Variants in GART observed in about 807,000 individuals in gnomAD.
GART encodes phosphoribosylglycinamide formyltransferase, phosphoribosylglycinamide synthetase, phosphoribosylaminoimidazole synthetase, also known as trifunctional purine biosynthetic protein adenosine-3.
GART carries 43 observed loss-of-function variants against 107.2 expected under a neutral mutation model. That is an observed-to-expected ratio of 0.40 (90% CI 0.31 to 0.52). The LOEUF (loss-of-function observed/expected upper bound fraction) is 0.52. GART is among the 20% of genes least tolerant of loss of function. The pLI is 0.52. For missense variants in GART, 1,107 were observed against 1,206.5 expected, an observed-to-expected ratio of 0.92 and a Z score of 1.22; for synonymous variants, 434 against 427.0, an observed-to-expected ratio of 1.02 and a Z score of -0.20.
chr21:33,511,236 A>G lies in GART; in HGVS notation c.2314+16T>C, dbSNP rs1332601398. 2 of 1,613,456 alleles carry G rather than the reference A, an allele frequency of 1.2e-6. No individual in the cohort carries two copies. Among genetic ancestry groups the G allele is most frequent in the Non-Finnish European group, 1.7e-6 (2 of 1,179,460 alleles). On this transcript the variant is annotated intron_variant, in intron 17 of 21. Coordinates refer to ENST00000381815, the MANE Select transcript of GART (RefSeq NM_000819.5). ...AGCTAAAATTATATATCTAAAAATG[A>G]GTAAGGAGCAAGTACCTTCAGCTCG...
At position 33,510,755 on chromosome 21, in the gene GART, G is replaced by C. The variant is rs142832229; in HGVS notation, c.2314+497C>G. Among the ~76,000 whole-genome samples the C allele has an allele frequency of 7.2e-5, 11 of 152,246 alleles. No individual in the cohort carries two copies. The East Asian group carries it at 2.1e-3, about 29-fold the overall frequency. On this transcript the variant is annotated intron_variant, in intron 17 of 21. Transcript: ENST00000381815. ...GGCAGATACAGGTAAAGTCAACAAG[G>C]TCTGACATTTTTTTTTTCTATTTTT... is the stretch of plus-strand genomic sequence containing the variant.
chr21:33,532,179 T>C (rs2085204357), intron 5 of GART, 166 bp downstream of exon 5: 4 of 612,598 alleles, frequency 6.5e-6, no homozygotes, highest in Non-Finnish European at 1.2e-5. Flanking sequence ...TGTAAATCCA[T>C]AACTATTTTA....
Position 33,528,844 on chromosome 21 carries a change from G to T in GART, c.811+6C>A, listed in dbSNP as rs2085126590. ...GTGGCTTCCATAGTAATGTGGGTGG[G>T]CCTACCTGTATATGGAGTACCCTCT... On this transcript the variant is annotated splice_donor_region_variant and intron_variant, in intron 8 of 21. Transcript: ENST00000381815. 1.9e-6 allele frequency: 3 copies of T among 1,597,378 alleles called. No individual in the cohort carries two copies. The highest frequency in any genetic ancestry group is 2.6e-6 in the Non-Finnish European group (3 of 1,165,702).
intron 2 of GART, among the ~76,000 whole-genome samples, 164 bp from the exon 3 acceptor site, chr21:33,535,484 CAGAGG>C (rs2085287487): frequency 6.6e-6 from 1 of 152,068 alleles, no homozygotes; most frequent in East Asian, 1.9e-4. Flanking sequence ...ATGTGAAATT[CAGAGG>C]AGAGTGCATT....
chr21:33,540,547 T>A (rs1208655141), intron 1 of GART, among the ~76,000 whole-genome samples: 4 of 152,134 alleles, frequency 2.6e-5, no homozygotes, highest in Non-Finnish European at 2.9e-5. Flanking sequence ...AAATTCCAAC[T>A]CATTTCACTT....
chr21:33,531,699 C>T, intron 5 of GART, 142 bp from the exon 6 acceptor site: 1 of 685,504 alleles, frequency 1.5e-6, no homozygotes, highest in East Asian at 2.7e-5. Context: ...TTCAGAAAGA[C>T]TCAAAGGGAA....
Position 33,522,235 on chromosome 21 carries a change from A to C in GART, c.1346T>G (p.Met449Arg), listed in dbSNP as rs201912693. The C allele has an allele frequency of 3.1e-6, 5 of 1,614,096 alleles. No homozygotes were observed. Among genetic ancestry groups the C allele is most frequent in the Admixed American group, 3.3e-5 (2 of 60,028 alleles). The change falls in exon 12 of 22, where the codon ATG becomes AGG. Residue 449 changes from methionine to arginine, a missense_variant. Physicochemically the swap from Met to Arg is moderately conservative, Grantham distance 91 (BLOSUM62 -1). Transcript: ENST00000381815. ...TAAAGGCTGAATTTTCTTGACCAGC[A>C]TATTTCCAGCTGCGATATCTACTCC... ...ESGVDIAAGN[M>R]LVKKIQPLAK...
chr21:33,512,919 A>G (rs1258437975), intron 16 of GART, among the ~76,000 whole-genome samples: 2 of 150,472 alleles, frequency 1.3e-5, no homozygotes, highest in Non-Finnish European at 3.0e-5. Flanking sequence ...GAGTTGATAC[A>G]ATTTTTTTTT....
intron 10 of GART, among the ~76,000 whole-genome samples, chr21:33,525,414 A>G (rs62227700): frequency 0.027 from 4,039 of 152,234 alleles, 72 homozygotes; most frequent in Non-Finnish European, 0.037. Flanking sequence ...CTCTCACTTA[A>G]AAGAACCTTC....
At chr21:33,538,436 T>G (rs949639363) in intron 2 of GART, among the ~76,000 whole-genome samples, 1 of 151,996 alleles carries the variant, frequency 6.6e-6, no homozygotes, top group Non-Finnish European at 1.5e-5. Flanking sequence ...TCTCACTACA[T>G]TGCCCTGGCT....
intron 14 of GART, among the ~76,000 whole-genome samples, chr21:33,518,333 C>G (rs1034464016): frequency 4.6e-5 from 7 of 152,102 alleles, no homozygotes; most frequent in African/African-American, 1.2e-4. Flanking sequence ...CAAAAATTAA[C>G]CAGGTGTGGT....
intron 16 of GART, among the ~76,000 whole-genome samples, chr21:33,514,199 T>C (rs941152708): frequency 6.6e-6 from 1 of 152,076 alleles, no homozygotes; most frequent in Non-Finnish European, 1.5e-5. Flanking sequence ...ACCCAGGACG[T>C]TGGGGCAATA....
At chr21:33,508,244 T>A (rs987611368) in intron 18 of GART, among the ~76,000 whole-genome samples, 3 of 152,054 alleles carry the variant, frequency 2.0e-5, no homozygotes, top group African/African-American at 7.2e-5. Context: ...AACTGACTGA[T>A]GAGAAATAAG....
At chr21:33,542,514 T>TAA, upstream of GART, 1 of 145,888 alleles carries the variant, frequency 6.9e-6, no homozygotes, top group Admixed American at 6.9e-5. Context: ...GGCCTATTGC[T>TAA]AAAAAAAAAA....
rs543622617 is a variant in GART, at chr21:33,539,399, T to C, written c.-41-43A>G. ...CAGTTTATATCTTAGGATGCACATT[T>C]TAGAAACCCAGGGACGGGCACAGTG... On this transcript the variant is annotated intron_variant, in intron 1 of 21. Coordinates refer to ENST00000381815, the MANE Select transcript of GART (RefSeq NM_000819.5). 8 of 1,493,654 alleles carry C rather than the reference T, an allele frequency of 5.4e-6. No homozygotes were observed. In the African/African-American group the frequency reaches 9.9e-5, roughly 18 times the overall value. The allele number at this position is 1,493,654 out of a possible 1,614,324, so 92.5% of individuals were successfully genotyped here. A position where few individuals can be genotyped will look rare whatever the true frequency, so the allele number is the denominator to read the frequency against.
At chr21:33,539,686 A>G (rs2145773191) in intron 1 of GART, among the ~76,000 whole-genome samples, 1 of 151,486 alleles carries the variant, frequency 6.6e-6, no homozygotes, top group East Asian at 1.9e-4. Flanking sequence ...GAGCAAGACC[A>G]TCTCAAAAAA....
intron 20 of GART, among the ~76,000 whole-genome samples, chr21:33,504,917 C>T (rs141610169): frequency 3.8e-4 from 58 of 152,316 alleles, no homozygotes; most frequent in African/African-American, 1.3e-3. Flanking sequence ...TAGATTAGTT[C>T]TGTGTGGCTC....
chr21:33,517,369 C>A lies in GART; in HGVS notation c.1942G>T (p.Asp648Tyr). 1 of 1,614,076 alleles carries A rather than the reference C, an allele frequency of 6.2e-7. No homozygotes were observed. The highest frequency in any genetic ancestry group is 1.1e-5 in the South Asian group (1 of 91,066). Residue 648 changes from aspartate (D) to tyrosine (Y), a missense_variant, in exon 15 of 22, where the codon GAC becomes TAC. Coordinates refer to ENST00000381815, the MANE Select transcript of GART (RefSeq NM_000819.5). ...YSSPAPDGCG[D>Y]QTLGDLLLTP... is the part of the protein sequence containing the mutation. ...TGAGGGAGTTTACCTAAAGTCTGGT[C>A]ACCACAACCATCAGGTGCTGGAGAG... is the stretch of plus-strand genomic sequence containing the variant.
chr21:33,535,776 C>T (rs1001408442), intron 2 of GART, among the ~76,000 whole-genome samples: 4 of 152,112 alleles, frequency 2.6e-5, no homozygotes, highest in Non-Finnish European at 4.4e-5. Flanking sequence ...GCCTGTAATC[C>T]CAGCACTTTG....
Sources: gnomAD v4.1 joint callset for allele counts (sites outside exome capture counted in the v4.1 genomes callset) on GRCh38, gnomAD v4.1.1 for gene constraint, MANE v1.5 for transcripts, NCBI Gene and HGNC (gene_info 2026-07-23, HGNC 2026-07-21) for gene names.